The following FOXN2 variants were observed in gnomAD, a reference collection of about 807,000 sequenced individuals.
The protein encoded by FOXN2 is forkhead box N2, also known as forkhead box protein N2.
FOXN2 carries 19 observed loss-of-function variants against 41.2 expected under a neutral mutation model. That is an observed-to-expected ratio of 0.46 (90% CI 0.32 to 0.68). The LOEUF (loss-of-function observed/expected upper bound fraction) is 0.68. Ranked by LOEUF, FOXN2 falls within the 30% of genes least tolerant of loss-of-function variation. FOXN2 has a pLI of 0.03. For missense variants in FOXN2, 587 were observed against 509.4 expected, an observed-to-expected ratio of 1.15 and a Z score of -1.47; for synonymous variants, 195 against 176.8, an observed-to-expected ratio of 1.10 and a Z score of -0.82.
At chr2:48,333,880 G>A (rs1300095637) in intron 2 of FOXN2, among the ~76,000 whole-genome samples, 1 of 151,886 alleles carries the variant, frequency 6.6e-6, no homozygotes, top group Non-Finnish European at 1.5e-5. Flanking sequence ...GACTTCACTA[G>A]GATGTGAGGT....
rs957716169 is a variant in FOXN2, at chr2:48,377,401, G to A, written c.*1958G>A. 1 of 152,004 alleles carries A rather than the reference G, an allele frequency of 6.6e-6. No homozygotes were observed. The highest frequency in any genetic ancestry group is 2.4e-5 in the African/African-American group (1 of 41,516). The allele number at this position is 152,004 out of a possible 1,614,324, so 9.4% of individuals were successfully genotyped here. ...TACCATAGCCTCTGTATAGACCTTA[G>A]GAACAGTGTTTCAGTGATCTGGCAC... is the stretch of plus-strand genomic sequence containing the variant. On this transcript the variant is annotated 3_prime_UTR_variant, in exon 7 of 7. Coordinates refer to ENST00000340553, the MANE Select transcript of FOXN2 (RefSeq NM_002158.4).
intron 1 of FOXN2, among the ~76,000 whole-genome samples, chr2:48,324,969 A>G (rs1489619504): frequency 6.6e-6 from 1 of 152,222 alleles, no homozygotes; most frequent in Non-Finnish European, 1.5e-5. Flanking sequence ...GGGAAGGTAG[A>G]CAATCCAGTT....
chr2:48,359,181 T>C lies in FOXN2; in HGVS notation c.638+34T>C, dbSNP rs1320198428. The C allele has an allele frequency of 2.0e-6, 3 of 1,477,162 alleles. No homozygotes were observed. In the African/African-American group the frequency reaches 4.2e-5, roughly 21 times the overall value. 91.5% of individuals were successfully genotyped at this position (1,477,162 alleles called of 1,614,324 possible). A position where few individuals can be genotyped will look rare whatever the true frequency, so the allele number is the denominator to read the frequency against. On this transcript the variant is annotated intron_variant, in intron 4 of 6. Transcript: ENST00000340553. ...CTTCCATATAACTGTCAGTGGTGAT[T>C]TATAGGATTTCACTGTGTGAGATGG...
intron 5 of FOXN2, among the ~76,000 whole-genome samples, chr2:48,372,922 C>T (rs1197112663): frequency 2.8e-5 from 3 of 107,546 alleles, no homozygotes; most frequent in African/African-American, 1.0e-4. Context: ...AGTAAAAATG[C>T]AAAAAAAAAA....
intron 2 of FOXN2, chr2:48,340,606 G>A (rs181551158): frequency 1.4e-4 from 22 of 152,312 alleles, no homozygotes; most frequent in African/African-American, 4.8e-4. Context: ...ATGGGTTCCA[G>A]AGTGATTGTA....
intron 1 of FOXN2, among the ~76,000 whole-genome samples, chr2:48,319,883 C>A (rs1411122904): frequency 2.7e-5 from 4 of 148,368 alleles, no homozygotes; most frequent in Non-Finnish European, 5.9e-5. Context: ...CCTCCTACCT[C>A]AGCCTCCCAA....
rs539431883 is a variant in FOXN2, at chr2:48,336,956, A to G, written c.-15+8254A>G. Among the ~76,000 whole-genome samples, 33 of 152,290 alleles carry G rather than the reference A, an allele frequency of 2.2e-4. No homozygotes were observed. In the South Asian group the frequency reaches 6.8e-3, roughly 32 times the overall value. On this transcript the variant is annotated intron_variant, in intron 2 of 6. Transcript: ENST00000340553. ...CAAGCATTTATCCTTTGAGTTACAG[A>G]TAATCTAATTACATTCTTTAAGTTA...
chr2:48,318,248 A>G (rs1190357876), intron 1 of FOXN2, among the ~76,000 whole-genome samples: 4 of 152,168 alleles, frequency 2.6e-5, no homozygotes, highest in African/African-American at 9.7e-5. Flanking sequence ...CTATTTCGCT[A>G]ATTTTTCCCT....
At position 48,368,757 on chromosome 2, in the gene FOXN2, G is replaced by C. The variant is rs544302361; in HGVS notation, c.704-4535G>C. Among the ~76,000 whole-genome samples the C allele has an allele frequency of 3.9e-5, 6 of 152,290 alleles. 1 individual carries two copies. The South Asian group carries it at 1.2e-3, about 32-fold the overall frequency. ...AATTAAAAATTGTAATTTCTACCCAGAGAATTTTTATTGCTTTTGTTCCAC... is the reference window on the plus strand; with the variant it reads ...AATTAAAAATTGTAATTTCTACCCACAGAATTTTTATTGCTTTTGTTCCAC... On this transcript the variant is annotated intron_variant, in intron 5 of 6. Transcript: ENST00000340553.
At position 48,375,028 on chromosome 2, in the gene FOXN2, C is replaced by T; in HGVS notation, c.881C>T (p.Thr294Ile). The T allele has an allele frequency of 6.2e-7, 1 of 1,614,020 alleles. No homozygotes were observed. The highest frequency in any genetic ancestry group is 8.5e-7 in the Non-Finnish European group (1 of 1,179,978). The change falls in exon 7 of 7, where the codon ACC (threonine) becomes ATC (isoleucine). Residue 294 changes from threonine (T) to isoleucine (I), a missense_variant. Physicochemically the swap from Thr to Ile is moderately conservative, Grantham distance 89 (BLOSUM62 -1). Coordinates refer to ENST00000340553, the MANE Select transcript of FOXN2 (RefSeq NM_002158.4). ...TTACAAGAGAGTGATTCTTTAGCCACCAGCATTGATCCAAAAGAAGATCAC... is the reference window on the plus strand; with the variant it reads ...TTACAAGAGAGTGATTCTTTAGCCATCAGCATTGATCCAAAAGAAGATCAC... ...VRLQESDSLA[T>I]SIDPKEDHNY... is the part of the protein sequence containing the mutation.
chr2:48,344,962 C>T (rs1243648769), intron 2 of FOXN2, among the ~76,000 whole-genome samples: 1 of 151,390 alleles, frequency 6.6e-6, no homozygotes, highest in African/African-American at 2.4e-5. Flanking sequence ...AATTAAATAG[C>T]ACATTAGCCT....
In FOXN2 at chr2:48,342,360, A is replaced by C. The variant is rs552703471; in HGVS notation, c.-14-3841A>C. Among the ~76,000 whole-genome samples, 6 of 152,114 alleles carry C rather than the reference A, an allele frequency of 3.9e-5. No homozygotes were observed. The South Asian group carries it at 1.2e-3, about 32-fold the overall frequency. On this transcript the variant is annotated intron_variant, in intron 2 of 6. Coordinates refer to ENST00000340553, the MANE Select transcript of FOXN2 (RefSeq NM_002158.4). ...ATTATCTTTAATAATTCTTGGATGA[A>C]TATCTGTGTGTCCCTCCACACATCG... is the stretch of plus-strand genomic sequence containing the variant.
chr2:48,334,119 T>C (rs905606961), intron 2 of FOXN2, among the ~76,000 whole-genome samples: 5 of 152,156 alleles, frequency 3.3e-5, no homozygotes, highest in South Asian at 2.1e-4. Context: ...TCAAATAATA[T>C]GGATCTCTTT....
intron 2 of FOXN2, among the ~76,000 whole-genome samples, chr2:48,331,643 C>A (rs180865656): frequency 1.3e-5 from 2 of 151,984 alleles, no homozygotes; most frequent in African/African-American, 2.4e-5. Context: ...CATAAGGAGA[C>A]GCTGCCTCTA....
intron 1 of FOXN2, among the ~76,000 whole-genome samples, chr2:48,315,020 G>A (rs1273816145): frequency 6.6e-6 from 1 of 152,122 alleles, no homozygotes; most frequent in Non-Finnish European, 1.5e-5. Flanking sequence ...ATCGGGTGGT[G>A]TGTGGGCTCC....
chr2:48,372,718 G>A (rs577562270), intron 5 of FOXN2, among the ~76,000 whole-genome samples: 14 of 151,840 alleles, frequency 9.2e-5, no homozygotes, highest in Admixed American at 2.6e-4. Context: ...TAAATTTGTC[G>A]TACATGTAGG....
chr2:48,323,086 A>T (rs1435118696), intron 1 of FOXN2, among the ~76,000 whole-genome samples: 2 of 151,982 alleles, frequency 1.3e-5, no homozygotes, highest in African/African-American at 4.8e-5. Context: ...ACTTTCCCCA[A>T]AGTGTAGGGA....
At chr2:48,329,875 A>G (rs1669922722) in intron 2 of FOXN2, among the ~76,000 whole-genome samples, 2 of 151,820 alleles carry the variant, frequency 1.3e-5, no homozygotes, top group African/African-American at 4.8e-5. Context: ...GTGTTTTTAG[A>G]TATTCTGAGA....
intron 2 of FOXN2, among the ~76,000 whole-genome samples, chr2:48,336,034 A>T (rs202021433): frequency 1.2e-5 from 1 of 85,320 alleles, no homozygotes; most frequent in East Asian, 8.4e-4. Flanking sequence ...TCTCAAAAAA[A>T]AAAAAAATAA....
Sources: gnomAD v4.1 joint callset for allele counts (sites outside exome capture counted in the v4.1 genomes callset) on GRCh38, gnomAD v4.1.1 for gene constraint, MANE v1.5 for transcripts, NCBI Gene and HGNC (gene_info 2026-07-23, HGNC 2026-07-21) for gene names.